GPC5: variants seen among roughly 807,000 people sequenced by gnomAD.
The protein encoded by GPC5 is glypican 5.
GPC5 carries 47 observed loss-of-function variants against 53.9 expected under a neutral mutation model. The ratio of observed to expected loss-of-function variants is 0.87; its 90% CI spans 0.69 to 1.11. The LOEUF (loss-of-function observed/expected upper bound fraction) is 1.11. GPC5 is among the 50% of genes most tolerant of loss of function. The pLI is 0.00. For synonymous variants in GPC5, 286 were observed against 263.3 expected (o/e 1.09, Z -0.84); for missense variants, 748 against 713.1 (o/e 1.05, Z -0.56).
chr13:92,294,276 C>A (rs1215638718), intron 7 of GPC5, among the ~76,000 whole-genome samples: 43 of 152,124 alleles, frequency 2.8e-4, no homozygotes, highest in Admixed American at 2.8e-3. Flanking sequence ...GGTACCAATT[C>A]TTCTTTGAAT....
chr13:92,445,032 A>G (rs1376845510), intron 7 of GPC5, among the ~76,000 whole-genome samples: 4 of 152,154 alleles, frequency 2.6e-5, no homozygotes, highest in Non-Finnish European at 4.4e-5. Flanking sequence ...ATGTATAATC[A>G]ATGGATGATC....
intron 2 of GPC5, among the ~76,000 whole-genome samples, chr13:91,548,334 G>C (rs1377560865): frequency 6.6e-6 from 1 of 152,040 alleles, no homozygotes; most frequent in East Asian, 1.9e-4. Flanking sequence ...GAACAAATGG[G>C]ATTTAAAATG....
At chr13:92,768,562 T>A (rs1290416686) in intron 7 of GPC5, among the ~76,000 whole-genome samples, 3 of 152,180 alleles carry the variant, frequency 2.0e-5, no homozygotes, top group African/African-American at 7.2e-5. Context: ...ATTTTATTGT[T>A]CCTTTTACCT....
At chr13:91,574,184 T>C (rs1594277479) in intron 2 of GPC5, among the ~76,000 whole-genome samples, 1 of 152,268 alleles carries the variant, frequency 6.6e-6, no homozygotes, top group East Asian at 1.9e-4. Flanking sequence ...CTGGAACTTG[T>C]TTGACCTAAA....
intron 5 of GPC5, 75 bp downstream of exon 5, chr13:91,756,495 A>T: frequency 7.8e-7 from 1 of 1,275,812 alleles, no homozygotes; most frequent in Non-Finnish European, 1.1e-6. Context: ...AAGGGGATTA[A>T]TTCAGTCTTA....
At chr13:91,553,132 G>A (rs1055350872) in intron 2 of GPC5, among the ~76,000 whole-genome samples, 32 of 149,026 alleles carry the variant, frequency 2.1e-4, no homozygotes, top group Admixed American at 1.6e-3. Flanking sequence ...TGGACAAAAT[G>A]TATGAGGGGT....
At chr13:92,716,422 C>T (rs1216345761) in intron 7 of GPC5, among the ~76,000 whole-genome samples, 1 of 151,740 alleles carries the variant, frequency 6.6e-6, no homozygotes, top group Non-Finnish European at 1.5e-5. Context: ...CCAGGTTGAC[C>T]ACATCTAGAA....
chr13:91,922,319 A>G (rs1414414839), intron 6 of GPC5, among the ~76,000 whole-genome samples: 1 of 152,114 alleles, frequency 6.6e-6, no homozygotes, highest in African/African-American at 2.4e-5. Flanking sequence ...AAAAAAAACT[A>G]AAGGCGAACT....
chr13:91,929,385 A>G, intron 6 of GPC5, among the ~76,000 whole-genome samples: 1 of 152,064 alleles, frequency 6.6e-6, no homozygotes, highest in Non-Finnish European at 1.5e-5. Context: ...TATCAACCAT[A>G]TCTTAATTTT....
intron 6 of GPC5, among the ~76,000 whole-genome samples, chr13:91,997,169 C>T (rs948262593): frequency 3.9e-5 from 6 of 152,050 alleles, no homozygotes; most frequent in Non-Finnish European, 7.4e-5. Context: ...ACTCACAGAA[C>T]CACCTGTATA....
chr13:92,800,823 T>C (rs1487519087), intron 7 of GPC5, among the ~76,000 whole-genome samples: 1 of 151,862 alleles, frequency 6.6e-6, no homozygotes, highest in Non-Finnish European at 1.5e-5. Flanking sequence ...GGGTGTTGTT[T>C]GTTACCTTGA....
At chr13:92,087,925 G>C (rs1296832413) in intron 6 of GPC5, among the ~76,000 whole-genome samples, 1 of 151,144 alleles carries the variant, frequency 6.6e-6, no homozygotes, top group East Asian at 1.9e-4. Flanking sequence ...CTATTCTCTA[G>C]CTTCCAACTA....
At chr13:91,469,014 ACT>A (rs1420501822) in intron 2 of GPC5, among the ~76,000 whole-genome samples, 1 of 151,072 alleles carries the variant, frequency 6.6e-6, no homozygotes, top group Non-Finnish European at 1.5e-5. Context: ...AGTAGCTGAG[ACT>A]ACAGGCATGC....
At chr13:92,604,027 G>T (rs902498101) in intron 7 of GPC5, among the ~76,000 whole-genome samples, 1 of 152,166 alleles carries the variant, frequency 6.6e-6, no homozygotes, top group Non-Finnish European at 1.5e-5. Context: ...TCAAAAAGAA[G>T]AGAAGAATGT....
intron 7 of GPC5, among the ~76,000 whole-genome samples, chr13:92,483,740 T>G (rs778562249): frequency 1.3e-5 from 2 of 152,124 alleles, no homozygotes; most frequent in Non-Finnish European, 2.9e-5. Flanking sequence ...TACTGTACAG[T>G]TATACCTGAT....
At position 92,756,906 on chromosome 13, in the gene GPC5, C is replaced by G. The variant is rs534185220; in HGVS notation, c.1562-109376C>G. 1.1e-4 allele frequency among the ~76,000 whole-genome samples: 17 copies of G among 151,446 alleles called. No individual in the cohort carries two copies. The South Asian group carries it at 3.3e-3, about 30-fold the overall frequency. ...AATATCGTGAAAATGGCCATACTGCCCAAGGTAATTTATAGATTCAATGCC... is the reference window on the plus strand; with the variant it reads ...AATATCGTGAAAATGGCCATACTGCGCAAGGTAATTTATAGATTCAATGCC... On this transcript the variant is annotated intron_variant, in intron 7 of 7. Transcript: ENST00000377067.
chr13:92,642,312 T>G (rs1885621137), intron 7 of GPC5, among the ~76,000 whole-genome samples: 1 of 152,138 alleles, frequency 6.6e-6, no homozygotes, highest in African/African-American at 2.4e-5. Context: ...CTTCTCAAAT[T>G]TACAGGGCTT....
intron 2 of GPC5, among the ~76,000 whole-genome samples, chr13:91,561,638 G>A (rs1346316769): frequency 6.6e-6 from 1 of 151,476 alleles, no homozygotes; most frequent in Non-Finnish European, 1.5e-5. Context: ...TCAAGAAAAT[G>A]TCTTTACACT....
intron 2 of GPC5, among the ~76,000 whole-genome samples, chr13:91,672,723 C>T (rs2035278667): frequency 6.6e-6 from 1 of 152,208 alleles, no homozygotes; most frequent in Admixed American, 6.5e-5. Flanking sequence ...CTAGCAATCC[C>T]ATTACTGGGT....
Sources: allele counts gnomAD v4.1 joint callset (sites outside exome capture counted in the v4.1 genomes callset), GRCh38; gene constraint gnomAD v4.1.1; transcripts MANE v1.5; gene names NCBI Gene and HGNC (gene_info 2026-07-23, HGNC 2026-07-21).